EIF4G3: variants seen among roughly 807,000 people sequenced by gnomAD.
EIF4G3 encodes the protein eukaryotic translation initiation factor 4 gamma 3.
Under a neutral mutation model 186.4 loss-of-function variants are expected in EIF4G3, and 34 were observed. That is an observed-to-expected ratio of 0.18 (90% CI 0.14 to 0.24). The LOEUF (loss-of-function observed/expected upper bound fraction) is 0.24, where lower values mean the gene tolerates loss of function less well. Among genes scored for constraint, EIF4G3 ranks in the 10% least tolerant of loss-of-function variants. The pLI is 1.00. For synonymous variants in EIF4G3, 673 were observed against 679.5 expected, an observed-to-expected ratio of 0.99 and a Z score of 0.15; for missense variants, 1,536 against 1,948.5, an observed-to-expected ratio of 0.79 and a Z score of 3.99.
chr1:21,160,257 T>C (rs1363483157), intron 2 of EIF4G3, among the ~76,000 whole-genome samples: 1 of 151,972 alleles, frequency 6.6e-6, no homozygotes, highest in Admixed American at 6.6e-5. Flanking sequence ...TATATACCCA[T>C]GAGTCCATAG....
intron 3 of EIF4G3, among the ~76,000 whole-genome samples, chr1:21,066,806 C>T (rs1486456751): frequency 1.3e-5 from 2 of 152,160 alleles, no homozygotes; most frequent in Non-Finnish European, 2.9e-5. Flanking sequence ...ACTCCATTTA[C>T]CACACAACTA....
intron 2 of EIF4G3, among the ~76,000 whole-genome samples, chr1:21,128,307 G>C (rs1236789664): frequency 6.6e-6 from 1 of 151,690 alleles, no homozygotes; most frequent in South Asian, 2.1e-4. Flanking sequence ...TCAGGAGTTT[G>C]AGACCAGCCT....
intron 4 of EIF4G3, among the ~76,000 whole-genome samples, chr1:21,017,303 G>A (rs986151779): frequency 6.6e-6 from 1 of 152,092 alleles, no homozygotes; most frequent in Non-Finnish European, 1.5e-5. Context: ...GTTGGCAAGG[G>A]ATGGGGAGAG....
At chr1:20,913,942 G>A (rs1311642054) in intron 14 of EIF4G3, among the ~76,000 whole-genome samples, 1 of 151,678 alleles carries the variant, frequency 6.6e-6, no homozygotes, top group East Asian at 1.9e-4. Context: ...CAGCAGCTGG[G>A]ACTACAGGCG....
chr1:20,817,317 A>T, intron 34 of EIF4G3, 75 bp downstream of exon 34: 1 of 882,612 alleles, frequency 1.1e-6, no homozygotes, highest in East Asian at 3.1e-5. Context: ...GTGAACTGAT[A>T]GGTAAGCGAA....
intron 18 of EIF4G3, chr1:20,893,293 A>C (rs1433148117): frequency 2.6e-6 from 1 of 389,248 alleles, no homozygotes; most frequent in Non-Finnish European, 4.3e-6. Context: ...TAGGGAAAAA[A>C]AAAATCAAGA....
chr1:21,029,986 G>T (rs534525822), intron 4 of EIF4G3, among the ~76,000 whole-genome samples: 1 of 152,204 alleles, frequency 6.6e-6, no homozygotes, highest in African/African-American at 2.4e-5. Context: ...CTCCCAAGTA[G>T]CTGAGACTAC....
At position 20,908,014 on chromosome 1, in the gene EIF4G3, T is replaced by C. The variant is rs1452979770; in HGVS notation, c.1664-3043A>G. On this transcript the variant is annotated intron_variant, in intron 14 of 36. Coordinates refer to ENST00000602326, the MANE Select transcript of EIF4G3 (RefSeq NM_001391906.1). ...AACTAGTTTACAGTCCCACCAACAGTGTAAAAGTGTTCCTATTTCTCCACA... is the reference window on the plus strand; with the variant it reads ...AACTAGTTTACAGTCCCACCAACAGCGTAAAAGTGTTCCTATTTCTCCACA... Among the ~76,000 whole-genome samples, 4 of 151,822 alleles carry C rather than the reference T, an allele frequency of 2.6e-5. No individual in the cohort carries two copies. The South Asian group carries it at 6.2e-4, about 24-fold the overall frequency.
At chr1:21,139,124 T>C (rs2097296512) in intron 2 of EIF4G3, among the ~76,000 whole-genome samples, 1 of 152,216 alleles carries the variant, frequency 6.6e-6, no homozygotes, top group Admixed American at 6.5e-5. Context: ...AAGTACAACA[T>C]GCTTGGTTTG....
At chr1:21,119,978 A>G (rs527739407) in intron 2 of EIF4G3, among the ~76,000 whole-genome samples, 1 of 152,030 alleles carries the variant, frequency 6.6e-6, no homozygotes, top group East Asian at 1.9e-4. Context: ...TAAAAATAAA[A>G]TTTCTAAAAT....
At chr1:20,963,267 T>C (rs1391926241) in intron 12 of EIF4G3, among the ~76,000 whole-genome samples, 2 of 152,156 alleles carry the variant, frequency 1.3e-5, no homozygotes, top group African/African-American at 4.8e-5. Flanking sequence ...TTTTAGGCAA[T>C]ATGTCATCTG....
At position 21,117,517 on chromosome 1, in the gene EIF4G3, C is replaced by A. The variant is rs560509088; in HGVS notation, c.-271-28304G>T. On this transcript the variant is annotated intron_variant, in intron 2 of 36. Coordinates refer to ENST00000602326, the MANE Select transcript of EIF4G3 (RefSeq NM_001391906.1). ...GTTCATTATAAAAAACTGAATTTTT[C>A]TTTTGCAACTATTTATTTTTAAATA... is the stretch of plus-strand genomic sequence containing the variant. Among the ~76,000 whole-genome samples the A allele has an allele frequency of 2.0e-5, 3 of 151,878 alleles. No individual in the cohort carries two copies. The East Asian group carries it at 5.8e-4, about 29-fold the overall frequency.
rs151137215 is a variant in EIF4G3, at chr1:20,810,474, G to A, written c.4744+264C>T. Among the ~76,000 whole-genome samples, 1 of 152,100 alleles carries A rather than the reference G, an allele frequency of 6.6e-6. No homozygotes were observed. Reference sequence around the variant, plus strand: ...CAGCCATTTCTGTATTTTTAGTAGGGATAGGGTTTCACCATGTTGGCCAGG... The same window carrying A: ...CAGCCATTTCTGTATTTTTAGTAGGAATAGGGTTTCACCATGTTGGCCAGG... On this transcript the variant is annotated intron_variant, in intron 36 of 36. Coordinates refer to ENST00000602326, the MANE Select transcript of EIF4G3 (RefSeq NM_001391906.1). This position sits in a 1 kb window ranked among gnomAD's most constrained non-coding sequence, Gnocchi z 4.1.
At chr1:20,950,761 A>C (rs1472399960) in intron 12 of EIF4G3, among the ~76,000 whole-genome samples, 2 of 152,182 alleles carry the variant, frequency 1.3e-5, no homozygotes, top group African/African-American at 4.8e-5. Flanking sequence ...AAGGAAACTC[A>C]TTTTCACTCA....
intron 14 of EIF4G3, chr1:20,941,197 A>T: frequency 6.7e-7 from 1 of 1,497,668 alleles, no homozygotes. Context: ...AAACCAATTC[A>T]TATGAATGAG....
intron 12 of EIF4G3, among the ~76,000 whole-genome samples, chr1:20,952,248 AG>A (rs1380403452): frequency 8.1e-5 from 12 of 147,698 alleles, no homozygotes; most frequent in Admixed American, 2.8e-4. Context: ...TCTGCCTCCC[AG>A]GTTCAAGTGA....
Position 21,123,716 on chromosome 1 carries a change from C to T in EIF4G3, c.-271-34503G>A, listed in dbSNP as rs560805989. On this transcript the variant is annotated intron_variant, in intron 2 of 36. Coordinates refer to ENST00000602326, the MANE Select transcript of EIF4G3 (RefSeq NM_001391906.1). Reference sequence around the variant, plus strand: ...TTGTAGTGGATAACTTTTTAAACCACAGAAAACAAACTTATCTGCAGAGTT... The same window carrying T: ...TTGTAGTGGATAACTTTTTAAACCATAGAAAACAAACTTATCTGCAGAGTT... Among the ~76,000 whole-genome samples, 6 of 152,180 alleles carry T rather than the reference C, an allele frequency of 3.9e-5. No individual in the cohort carries two copies. The South Asian group carries it at 1.2e-3, about 32-fold the overall frequency.
Position 21,038,260 on chromosome 1 carries a change from C to T in EIF4G3, c.-67+12606G>A, listed in dbSNP as rs185678042. Among the ~76,000 whole-genome samples, 11 of 152,278 alleles carry T rather than the reference C, an allele frequency of 7.2e-5. No individual in the cohort carries two copies. In the East Asian group the frequency reaches 1.9e-3, roughly 27 times the overall value. On this transcript the variant is annotated intron_variant, in intron 4 of 36. Transcript: ENST00000602326. ...ATACAGCATGACAACTCAGTTTTCT[C>T]TCCAATCCCAGGACCAGTTCCCCCA...
chr1:21,141,536 G>A (rs2097339697), intron 2 of EIF4G3, among the ~76,000 whole-genome samples: 1 of 149,960 alleles, frequency 6.7e-6, no homozygotes, highest in African/African-American at 2.4e-5. Context: ...ACTACAGTAT[G>A]TTTTCTATTT....
Sources: allele counts gnomAD v4.1 joint callset (sites outside exome capture counted in the v4.1 genomes callset), GRCh38; gene constraint gnomAD v4.1.1; non-coding constraint Gnocchi (gnomAD v3.1); transcripts MANE v1.5; gene names NCBI Gene and HGNC (gene_info 2026-07-23, HGNC 2026-07-21).